Variants in VANGL1 observed in about 807,000 individuals in gnomAD.
VANGL1 encodes the protein vang-like protein 1.
In VANGL1, 18 loss-of-function variants were observed where a neutral mutation model predicts 48.4. That is an observed-to-expected ratio of 0.37 (90% confidence interval 0.26 to 0.55). The LOEUF (loss-of-function observed/expected upper bound fraction) is 0.55. Among genes scored for constraint, VANGL1 ranks in the 20% least tolerant of loss-of-function variants. The pLI is 0.81. For missense variants in VANGL1, 667 were observed against 675.8 expected, an observed-to-expected ratio of 0.99 and a Z score of 0.14; for synonymous variants, 257 against 261.8, an observed-to-expected ratio of 0.98 and a Z score of 0.18.
At chr1:115,649,173 A>G (rs1320844938) in intron 1 of VANGL1, among the ~76,000 whole-genome samples, 1 of 152,188 alleles carries the variant, frequency 6.6e-6, no homozygotes, top group Non-Finnish European at 1.5e-5. Context: ...GACAGTAGGC[A>G]GAAAAAAAGA....
intron 4 of VANGL1, among the ~76,000 whole-genome samples, chr1:115,669,091 C>T (rs982669392): frequency 6.6e-6 from 1 of 152,174 alleles, no homozygotes; most frequent in Non-Finnish European, 1.5e-5. Flanking sequence ...TTGATTTCTA[C>T]ATCTTAAAAA....
intron 6 of VANGL1, 121 bp from the exon 7 acceptor site, chr1:115,685,172 G>T: frequency 9.9e-7 from 1 of 1,006,014 alleles, no homozygotes; most frequent in South Asian, 1.4e-5. Context: ...GATGCAAGCA[G>T]CGTGATTGGG....
rs189873044 is a variant in VANGL1, at chr1:115,681,610, G to C, written c.813-754G>C. On this transcript the variant is annotated intron_variant, in intron 4 of 7. Transcript: ENST00000355485. ...CAACCTCCGCCTCCTGGGTTCAAGT[G>C]ATTCTCCCGTTTCAGCCTCCCGAGT... 1.5e-4 allele frequency among the ~76,000 whole-genome samples: 23 copies of C among 150,388 alleles called. No individual in the cohort carries two copies. The East Asian group carries it at 4.4e-3, about 29-fold the overall frequency.
chr1:115,685,572 CA>C, intron 7 of VANGL1, 45 bp downstream of exon 7: 1 of 1,597,258 alleles, frequency 6.3e-7, no homozygotes, highest in Middle Eastern at 1.7e-4. Flanking sequence ...CCTGGCTTGT[CA>C]CTGAGCTTGG....
Position 115,698,057 on chromosome 1 carries a change from A to G in VANGL1, c.*6678A>G, listed in dbSNP as rs1654092116. The G allele has an allele frequency of 6.6e-6, 1 of 152,246 alleles. No individual in the cohort carries two copies. Among genetic ancestry groups the G allele is most frequent in the Non-Finnish European group, 1.5e-5 (1 of 68,058 alleles). 9.4% of individuals were successfully genotyped at this position (152,246 alleles called of 1,614,324 possible). ...AACTTCTTCTCATTGTGATGTCAGT[A>G]ACAGAGTTAGTGTCTCTGATGGAAT... On this transcript the variant is annotated 3_prime_UTR_variant, in exon 8 of 8. Transcript: ENST00000355485.
At chr1:115,659,318 AT>A (rs1449185919) in intron 2 of VANGL1, among the ~76,000 whole-genome samples, 2 of 152,194 alleles carry the variant, frequency 1.3e-5, no homozygotes, top group Admixed American at 1.3e-4. Context: ...AATTATTACA[AT>A]AAAGTGTAAC....
At chr1:115,676,399 G>A (rs1277788877) in intron 4 of VANGL1, among the ~76,000 whole-genome samples, 1 of 152,280 alleles carries the variant, frequency 6.6e-6, no homozygotes, top group Middle Eastern at 3.4e-3. Context: ...CATTTCCCAT[G>A]GCAGTACCCT....
In VANGL1 at chr1:115,694,121, A is replaced by G. The variant is rs1189625816; in HGVS notation, c.*2742A>G. Reference sequence around the variant, plus strand: ...TATAGTCCATGAACTGAATGTTAAAAAGTTCTGTATGCATTCTCAGAGAGG... The same window carrying G: ...TATAGTCCATGAACTGAATGTTAAAGAGTTCTGTATGCATTCTCAGAGAGG... On this transcript the variant is annotated 3_prime_UTR_variant, in exon 8 of 8. Transcript: ENST00000355485. The G allele has an allele frequency of 6.6e-6, 1 of 152,230 alleles. No homozygotes were observed. Among genetic ancestry groups the G allele is most frequent in the Non-Finnish European group, 1.5e-5 (1 of 68,040 alleles). The allele number at this position is 152,230 out of a possible 1,614,324, so 9.4% of individuals were successfully genotyped here. A position where few individuals can be genotyped will look rare whatever the true frequency, so the allele number is the denominator to read the frequency against.
chr1:115,658,610 G>A (rs1310962103), intron 2 of VANGL1, among the ~76,000 whole-genome samples: 1 of 152,188 alleles, frequency 6.6e-6, no homozygotes, highest in Non-Finnish European at 1.5e-5. Context: ...GAGACCTTGG[G>A]AATGACGGCA....
chr1:115,683,911 TAA>T (rs1331724284), intron 5 of VANGL1, 31 bp from the exon 6 acceptor site: 1 of 1,610,622 alleles, frequency 6.2e-7, no homozygotes, highest in African/African-American at 1.3e-5. Context: ...CTCGTGGTAT[TAA>T]CACTATTCTT....
At position 115,697,829 on chromosome 1, in the gene VANGL1, C is replaced by T. The variant is rs1228410157; in HGVS notation, c.*6450C>T. On this transcript the variant is annotated 3_prime_UTR_variant, in exon 8 of 8. Coordinates refer to ENST00000355485, the MANE Select transcript of VANGL1 (RefSeq NM_138959.3). ...TTCTTTCTGATTAGTTAATACTGTA[C>T]ATTGTAACCAGGAGGGGCAGTTTTG... is the stretch of plus-strand genomic sequence containing the variant. 2.0e-5 allele frequency: 3 copies of T among 152,140 alleles called. No homozygotes were observed. The highest frequency in any genetic ancestry group is 7.2e-5 in the African/African-American group (3 of 41,440). 9.4% of individuals were successfully genotyped at this position (152,140 alleles called of 1,614,324 possible). A position where few individuals can be genotyped will look rare whatever the true frequency, so the allele number is the denominator to read the frequency against.
intron 4 of VANGL1, chr1:115,671,262 C>G (rs1013835327): frequency 6.6e-6 from 1 of 152,420 alleles, no homozygotes; most frequent in Non-Finnish European, 1.5e-5. Flanking sequence ...GGCCAGGTCC[C>G]GTATTCTCCA....
At chr1:115,661,092 C>G (rs1652530493) in intron 3 of VANGL1, among the ~76,000 whole-genome samples, 1 of 152,146 alleles carries the variant, frequency 6.6e-6, no homozygotes, top group African/African-American at 2.4e-5. Context: ...CCAGGATGAT[C>G]TGGTGTGAAA....
In VANGL1 at chr1:115,687,528, G is replaced by A. The variant is rs1653675123; in HGVS notation, c.1314+2001G>A. ...GAATTAAAAATAATAGCTGTTTTTG[G>A]TATAGAAATCCAAACATTAAAGAAA... On this transcript the variant is annotated intron_variant, in intron 7 of 7. Coordinates refer to ENST00000355485, the MANE Select transcript of VANGL1 (RefSeq NM_138959.3). Among the ~76,000 whole-genome samples the A allele has an allele frequency of 1.4e-5, 2 of 138,170 alleles. 1 individual carries two copies. The highest frequency in any genetic ancestry group is 4.9e-4 in the South Asian group (2 of 4,108). 90.6% of individuals were successfully genotyped at this position (138,170 alleles called of 152,430 possible).
intron 1 of VANGL1, among the ~76,000 whole-genome samples, chr1:115,643,739 A>G (rs73007411): frequency 0.044 from 6,713 of 152,270 alleles, 488 homozygotes; most frequent in African/African-American, 0.15. Context: ...CAAAACCATA[A>G]AGGAAATTTA....
At chr1:115,673,221 C>T (rs1570759844) in intron 4 of VANGL1, among the ~76,000 whole-genome samples, 1 of 152,178 alleles carries the variant, frequency 6.6e-6, no homozygotes, top group Non-Finnish European at 1.5e-5. Flanking sequence ...ACCCTCCTTC[C>T]TCCCGTTCTC....
At chr1:115,677,354 A>G (rs1653207085) in intron 4 of VANGL1, among the ~76,000 whole-genome samples, 1 of 152,254 alleles carries the variant, frequency 6.6e-6, no homozygotes, top group African/African-American at 2.4e-5. Context: ...ACAAAAGACC[A>G]CAGCATTTCT....
intron 4 of VANGL1, among the ~76,000 whole-genome samples, chr1:115,675,239 C>T (rs1381462489): frequency 6.6e-6 from 1 of 152,170 alleles, no homozygotes; most frequent in African/African-American, 2.4e-5. Flanking sequence ...CAATGGCTCA[C>T]ACCTGTAATC....
Position 115,664,187 on chromosome 1 carries a change from G to A in VANGL1, c.731G>A (p.Arg244Lys). 1 of 1,614,060 alleles carries A rather than the reference G, an allele frequency of 6.2e-7. No individual in the cohort carries two copies. ...CTGGCCATCGTCCTGCTGGAGCTCAGGCAGCTGCAGCCCATGTTCACGCTG... is the reference window on the plus strand; with the variant it reads ...CTGGCCATCGTCCTGCTGGAGCTCAAGCAGCTGCAGCCCATGTTCACGCTG... The part of the protein sequence containing the change: ...HYLAIVLLEL[R>K]QLQPMFTLQV... Residue 244 changes from arginine (R) to lysine (K), a missense_variant, in exon 4 of 8, where the codon AGG becomes AAG. Transcript: ENST00000355485.
Sources: gnomAD v4.1 joint callset for allele counts (sites outside exome capture counted in the v4.1 genomes callset) on GRCh38, gnomAD v4.1.1 for gene constraint, MANE v1.5 for transcripts, NCBI Gene and HGNC (gene_info 2026-07-23, HGNC 2026-07-21) for gene names.